The following ARHGAP22 variants were observed in gnomAD, a reference collection of about 807,000 sequenced individuals.
The protein encoded by ARHGAP22 is rho GTPase-activating protein 22.
A neutral mutation model predicts 59.1 loss-of-function variants in ARHGAP22; 48 were observed. The observed-to-expected ratio is 0.81, with a 90% confidence interval of 0.64 to 1.03. The LOEUF is 1.03. Ranked by LOEUF, ARHGAP22 falls within the 50% of genes least tolerant of loss-of-function variation. The pLI is 0.00. For synonymous variants in ARHGAP22, 445 were observed against 416.4 expected, an observed-to-expected ratio of 1.07 and a Z score of -0.84; for missense variants, 1,015 against 958.7, an observed-to-expected ratio of 1.06 and a Z score of -0.78.
At chr10:48,454,234 T>G in intron 6 of ARHGAP22, 73 bp from the exon 7 acceptor site, 14 of 1,279,212 alleles carry the variant, frequency 1.1e-5, no homozygotes, top group African/African-American at 1.5e-5. Context: ...CGAGGAGGGG[T>G]GGGCAAAGAG....
At chr10:48,648,663 C>T (rs1195241526) in intron 1 of ARHGAP22, among the ~76,000 whole-genome samples, 4 of 152,184 alleles carry the variant, frequency 2.6e-5, no homozygotes, top group African/African-American at 7.2e-5. Context: ...AGAGGTGAGT[C>T]TGTAGGCCAG....
intron 3 of ARHGAP22, among the ~76,000 whole-genome samples, chr10:48,500,188 T>G (rs542432348): frequency 2.5e-4 from 38 of 152,052 alleles, no homozygotes; most frequent in Admixed American, 5.2e-4. Context: ...CAATAATAAT[T>G]AAAAAATTAG....
chr10:48,548,413 C>G, intron 3 of ARHGAP22, among the ~76,000 whole-genome samples: 1 of 152,200 alleles, frequency 6.6e-6, no homozygotes, highest in South Asian at 2.1e-4. Flanking sequence ...CTGCAGCCAA[C>G]CCACTTGGTT....
chr10:48,652,466 G>A (rs768977458), exon 1 of ARHGAP22: 56 of 619,676 alleles, frequency 9.0e-5, no homozygotes, highest in Non-Finnish European at 1.4e-4. Flanking sequence ...AAGAAGCCTC[G>A]CTGTGAAGAA....
At chr10:48,655,241 ATGTG>A (rs71465467), upstream of ARHGAP22, among the ~76,000 whole-genome samples, 93 of 29,724 alleles carry the variant, frequency 3.1e-3, no homozygotes, top group African/African-American at 9.8e-3. Context: ...TGGAGAGTGG[ATGTG>A]TGTGTGTGTG....
intron 3 of ARHGAP22, among the ~76,000 whole-genome samples, chr10:48,553,599 C>A (rs1369403322): frequency 6.6e-6 from 1 of 152,178 alleles, no homozygotes; most frequent in South Asian, 2.1e-4. Context: ...ACGACATTCC[C>A]TATCTTAGAG....
chr10:48,605,182 G>C (rs2135929920), upstream of ARHGAP22: 7 of 1,119,594 alleles, frequency 6.3e-6, no homozygotes, highest in Non-Finnish European at 7.7e-6. Flanking sequence ...CCAGAGACGC[G>C]GGGCGCGGTC....
chr10:48,584,406 T>C (rs1274071288), intron 1 of ARHGAP22, among the ~76,000 whole-genome samples: 1 of 152,188 alleles, frequency 6.6e-6, no homozygotes, highest in African/African-American at 2.4e-5. Context: ...AAGAGCCAAC[T>C]CAAAGGACAC....
intron 3 of ARHGAP22, among the ~76,000 whole-genome samples, chr10:48,498,994 G>C (rs2051232069): frequency 6.6e-6 from 1 of 152,056 alleles, no homozygotes; most frequent in Admixed American, 6.5e-5. Flanking sequence ...ACTCCACCAA[G>C]AGACCCCTCT....
intron 2 of ARHGAP22, among the ~76,000 whole-genome samples, chr10:48,580,978 C>T (rs1158650484): frequency 1.3e-5 from 2 of 150,584 alleles, no homozygotes; most frequent in East Asian, 1.9e-4. Context: ...CAAATGTGAA[C>T]CTGAAACAGC....
At chr10:48,543,363 G>T (rs2056141477) in intron 3 of ARHGAP22, among the ~76,000 whole-genome samples, 1 of 152,136 alleles carries the variant, frequency 6.6e-6, no homozygotes, top group African/African-American at 2.4e-5. Flanking sequence ...ACATCTCTCT[G>T]CATCCCAGAT....
intron 1 of ARHGAP22, among the ~76,000 whole-genome samples, chr10:48,633,692 G>A (rs887424632): frequency 6.6e-6 from 1 of 152,174 alleles, no homozygotes; most frequent in Non-Finnish European, 1.5e-5. Flanking sequence ...TACATTTTGT[G>A]GGAAAATGAT....
At chr10:48,643,658 C>T (rs1356884195) in intron 1 of ARHGAP22, among the ~76,000 whole-genome samples, 8 of 150,626 alleles carry the variant, frequency 5.3e-5, no homozygotes, top group Admixed American at 1.3e-4. Flanking sequence ...ATGTAAATGA[C>T]GAGTTAATGG....
chr10:48,434,844 T>G, the ARHGAP22 span: 3 of 1,563,478 alleles, frequency 1.9e-6, no homozygotes, highest in Non-Finnish European at 2.6e-6. Flanking sequence ...GATCTGCAGC[T>G]GTCTGCAACT....
At chr10:48,547,248 G>GCC in intron 3 of ARHGAP22, among the ~76,000 whole-genome samples, 1 of 152,350 alleles carries the variant, frequency 6.6e-6, no homozygotes, top group East Asian at 1.9e-4. Flanking sequence ...GGTGTGTCTG[G>GCC]CGACAATCAA....
downstream of ARHGAP22, chr10:48,445,032 G>C (rs1363577199): frequency 6.6e-6 from 1 of 152,428 alleles, no homozygotes; most frequent in Non-Finnish European, 1.5e-5. Flanking sequence ...CCGCCTCCTG[G>C]TGGACGAGCC....
At chr10:48,550,042 T>C (rs1416703249) in intron 3 of ARHGAP22, among the ~76,000 whole-genome samples, 1 of 152,202 alleles carries the variant, frequency 6.6e-6, no homozygotes, top group Non-Finnish European at 1.5e-5. Flanking sequence ...CTGAGCGCCT[T>C]GGAACTAAGG....
Position 48,446,105 on chromosome 10 carries a change from C to T in ARHGAP22, c.*286G>A. The T allele has an allele frequency of 2.2e-6, 1 of 455,228 alleles. No individual in the cohort carries two copies. 28.2% of individuals were successfully genotyped at this position (455,228 alleles called of 1,614,324 possible). ...GGCTGCCTGGATCCTGGGCGCCCTCCATTTCTGTGGCCATGAAGGATATTT... is the reference window on the plus strand; with the variant it reads ...GGCTGCCTGGATCCTGGGCGCCCTCTATTTCTGTGGCCATGAAGGATATTT... On this transcript the variant is annotated 3_prime_UTR_variant, in exon 10 of 10. Transcript: ENST00000249601.
At chr10:48,523,932 C>A in intron 3 of ARHGAP22, 1 of 793,486 alleles carries the variant, frequency 1.3e-6, no homozygotes, top group Non-Finnish European at 1.7e-6. Context: ...CACCTGAGCC[C>A]TTTCCAAAGC....
Sources: allele counts gnomAD v4.1 joint callset (sites outside exome capture counted in the v4.1 genomes callset), GRCh38; gene constraint gnomAD v4.1.1; transcripts MANE v1.5; gene names NCBI Gene and HGNC (gene_info 2026-07-23, HGNC 2026-07-21).